Variants in NCOA2 observed in about 807,000 individuals in gnomAD.
NCOA2 encodes nuclear receptor coactivator 2.
A neutral mutation model predicts 145.1 loss-of-function variants in NCOA2; 21 were observed. The ratio of observed to expected loss-of-function variants is 0.14; its 90% CI spans 0.10 to 0.21. The LOEUF is 0.21. NCOA2 is among the 10% of genes least tolerant of loss of function. NCOA2 has a pLI of 1.00. For missense variants in NCOA2, 1,472 were observed against 1,837.6 expected, an observed-to-expected ratio of 0.80 and a Z score of 3.64; for synonymous variants, 619 against 637.5, an observed-to-expected ratio of 0.97 and a Z score of 0.44.
At chr8:70,384,122 A>T (rs1474984030) in intron 1 of NCOA2, among the ~76,000 whole-genome samples, 3 of 152,224 alleles carry the variant, frequency 2.0e-5, no homozygotes, top group Non-Finnish European at 4.4e-5. Flanking sequence ...TATGGAAAAG[A>T]GAACTATTAC....
chr8:70,325,981 G>A (rs1380577939), intron 1 of NCOA2, among the ~76,000 whole-genome samples: 2 of 152,070 alleles, frequency 1.3e-5, no homozygotes, highest in Non-Finnish European at 2.9e-5. Context: ...GCTCAAATGA[G>A]GCCACTAGGA....
At chr8:70,119,726 T>C (rs1037620274) in intron 22 of NCOA2, among the ~76,000 whole-genome samples, 10 of 152,258 alleles carry the variant, frequency 6.6e-5, no homozygotes, top group African/African-American at 2.4e-4. Context: ...GTGTTTTTAA[T>C]AATAGCCATT....
intron 1 of NCOA2, among the ~76,000 whole-genome samples, chr8:70,380,738 TTTG>T (rs1812114659): frequency 1.3e-5 from 2 of 152,060 alleles, no homozygotes; most frequent in African/African-American, 4.8e-5. Flanking sequence ...CGAGTGAGCA[TTTG>T]TTAATTCATA....
intron 2 of NCOA2, among the ~76,000 whole-genome samples, chr8:70,231,984 A>G (rs1436338564): frequency 6.6e-6 from 1 of 152,194 alleles, no homozygotes; most frequent in Non-Finnish European, 1.5e-5. Context: ...GGATGAACTA[A>G]TGAGTATCCC....
At chr8:70,263,831 A>T (rs1824347994) in intron 2 of NCOA2, among the ~76,000 whole-genome samples, 1 of 152,210 alleles carries the variant, frequency 6.6e-6, no homozygotes, top group African/African-American at 2.4e-5. Context: ...TGCACTGTGT[A>T]ATCTCAACAG....
intron 15 of NCOA2, among the ~76,000 whole-genome samples, chr8:70,135,091 C>T (rs1405716705): frequency 2.0e-5 from 3 of 152,082 alleles, no homozygotes; most frequent in African/African-American, 7.2e-5. Context: ...AATGTTCATG[C>T]CTTCCCTGTG....
At chr8:70,323,400 T>C (rs1443271397) in intron 1 of NCOA2, among the ~76,000 whole-genome samples, 1 of 152,198 alleles carries the variant, frequency 6.6e-6, no homozygotes, top group East Asian at 1.9e-4. Flanking sequence ...AATTTGGATG[T>C]TGAATGTAGC....
chr8:70,242,708 G>A lies in NCOA2; in HGVS notation c.-19-25944C>T, dbSNP rs114400987. ...TCAAATGTCTCTAAAATATAGCCCC[G>A]TACTTTAATCCTGCCTAAATCTTCC... On this transcript the variant is annotated intron_variant, in intron 2 of 22. Transcript: ENST00000452400. Among the ~76,000 whole-genome samples, 1,512 of 151,968 alleles carry A rather than the reference G, an allele frequency of 9.9e-3. 35 individuals carry two copies. The highest frequency in any genetic ancestry group is 0.035 in the African/African-American group (1,435 of 41,458).
intron 13 of NCOA2, among the ~76,000 whole-genome samples, chr8:70,142,896 C>G (rs1810606401): frequency 6.6e-6 from 1 of 150,446 alleles, no homozygotes; most frequent in Non-Finnish European, 1.5e-5. Context: ...CATAATTCAA[C>G]AATATTACTG....
intron 2 of NCOA2, among the ~76,000 whole-genome samples, chr8:70,242,011 T>C (rs1259712792): frequency 6.6e-6 from 1 of 152,118 alleles, no homozygotes; most frequent in Non-Finnish European, 1.5e-5. Context: ...GAAAAACCAA[T>C]TAATGTAGAA....
the NCOA2 span, among the ~76,000 whole-genome samples, chr8:70,443,313 G>A: frequency 7.9e-5 from 12 of 152,064 alleles, no homozygotes; most frequent in African/African-American, 2.7e-4. Context: ...AGGCTGCAGT[G>A]AGCCATGGTC....
chr8:70,112,395 A>C lies in NCOA2; in HGVS notation c.*1237T>G, dbSNP rs944091512. ...TCAACTTAAATTATTGCTTGTTTAC[A>C]TATAAATTGGATTTTATGTACCTTA... On this transcript the variant is annotated 3_prime_UTR_variant, in exon 23 of 23. Coordinates refer to ENST00000452400, the MANE Select transcript of NCOA2 (RefSeq NM_006540.4). The C allele has an allele frequency of 5.2e-6, 1 of 193,496 alleles. No homozygotes were observed. Among genetic ancestry groups the C allele is most frequent in the East Asian group, 8.2e-5 (1 of 12,180 alleles). The allele number at this position is 193,496 out of a possible 1,614,324, so 12.0% of individuals were successfully genotyped here.
intron 4 of NCOA2, among the ~76,000 whole-genome samples, chr8:70,212,137 G>A (rs986034205): frequency 1.2e-4 from 18 of 151,244 alleles, no homozygotes; most frequent in Admixed American, 3.3e-4. Context: ...TAAACATGCA[G>A]TGTTCTCAAA....
At chr8:70,363,676 A>G (rs1275700625) in intron 1 of NCOA2, among the ~76,000 whole-genome samples, 1 of 152,172 alleles carries the variant, frequency 6.6e-6, no homozygotes, top group African/African-American at 2.4e-5. Flanking sequence ...ATTTCATGAC[A>G]TTTTAGAAAA....
At chr8:70,207,862 C>CAAAAAAAA (rs754670876) in intron 4 of NCOA2, among the ~76,000 whole-genome samples, 4 of 36,180 alleles carry the variant, frequency 1.1e-4, no homozygotes, top group Non-Finnish European at 1.6e-4. Flanking sequence ...GACTCCACCT[C>CAAAAAAAA]AAAAAAAAAA....
chr8:70,434,413 T>C, the NCOA2 span, among the ~76,000 whole-genome samples: 1 of 152,238 alleles, frequency 6.6e-6, no homozygotes, highest in Non-Finnish European at 1.5e-5. Context: ...AGCTAGCTCA[T>C]GAATCCACAT....
At chr8:70,263,883 T>C (rs1824353020) in intron 2 of NCOA2, among the ~76,000 whole-genome samples, 1 of 152,016 alleles carries the variant, frequency 6.6e-6, no homozygotes, top group South Asian at 2.1e-4. Flanking sequence ...TGAAATACCA[T>C]TTCATACCCC....
At chr8:70,140,127 C>T (rs996526740) in intron 14 of NCOA2, among the ~76,000 whole-genome samples, 5 of 152,114 alleles carry the variant, frequency 3.3e-5, no homozygotes, top group Non-Finnish European at 7.3e-5. Context: ...ACATAACATA[C>T]AATTCACCTA....
chr8:70,215,363 C>G (rs929924620), intron 3 of NCOA2, among the ~76,000 whole-genome samples: 1 of 152,194 alleles, frequency 6.6e-6, no homozygotes, highest in Non-Finnish European at 1.5e-5. Flanking sequence ...CAGCCCACAG[C>G]TGAAACAGTT....
Sources: gnomAD v4.1 joint callset for allele counts (sites outside exome capture counted in the v4.1 genomes callset) on GRCh38, gnomAD v4.1.1 for gene constraint, MANE v1.5 for transcripts, NCBI Gene and HGNC (gene_info 2026-07-23, HGNC 2026-07-21) for gene names.